The following CAPN6 variants were observed in gnomAD, a reference collection of about 807,000 sequenced individuals.
The protein encoded by CAPN6 is calpain-6.
A neutral mutation model predicts 46.0 loss-of-function variants in CAPN6; 16 were observed. The ratio of observed to expected loss-of-function variants is 0.35; its 90% confidence interval spans 0.24 to 0.53. The LOEUF is 0.53. Among genes scored for constraint, CAPN6 ranks in the 20% least tolerant of loss-of-function variants. The pLI is 0.94. For missense variants in CAPN6, 461 were observed against 498.0 expected, an observed-to-expected ratio of 0.93 and a Z score of 0.71; for synonymous variants, 206 against 172.8, an observed-to-expected ratio of 1.19 and a Z score of -1.51.
In CAPN6 at chrX:111,247,953, G is replaced by A. The variant is rs776023291; in HGVS notation, c.1524C>T (p.Asn508=). Reference sequence around the variant, plus strand: ...CTACTTTCGGGTAGCCACGAGCCAGGTTCCAGCAGGACATTTTGGGCATGT... The same window carrying A: ...CTACTTTCGGGTAGCCACGAGCCAGATTCCAGCAGGACATTTTGGGCATGT... ...TLDMPKMSCW[N]LARGYPKVVT... is the part of the protein sequence containing the mutation. Residue 508 remains asparagine, a synonymous_variant, in exon 11 of 13, where the codon AAC becomes AAT. Coordinates refer to ENST00000324068, the MANE Select transcript of CAPN6 (RefSeq NM_014289.4). The A allele has an allele frequency of 4.1e-6, 5 of 1,208,665 alleles. No homozygotes were observed. In the South Asian group the frequency reaches 7.0e-5, roughly 17 times the overall value.
rs759479751 is a variant in CAPN6 at position 111,248,954 on chromosome X, A to G, written c.1262T>C (p.Ile421Thr). The G allele has an allele frequency of 1.7e-6, 2 of 1,211,538 alleles. No individual in the cohort carries two copies. The highest frequency in any genetic ancestry group is 2.2e-6 in the Non-Finnish European group (2 of 895,442). ...TTTTACCTTGAAGAGCTCAAAGCCA[A>G]TGATGTAATTGTCAGGTCTTCCCAT... ...RRMGRPDNYI[I>T]GFELFKVEMN... The change falls in exon 9 of 13, where the codon ATT becomes ACT. Residue 421 changes from isoleucine (I) to threonine (T), a missense_variant. Physicochemically the swap from Ile to Thr is moderately conservative, Grantham distance 89 (BLOSUM62 -1). Coordinates refer to ENST00000324068, the MANE Select transcript of CAPN6 (RefSeq NM_014289.4).
At chrX:111,251,865 A>C in intron 5 of CAPN6, 123 bp from the exon 6 acceptor site, 1 of 541,955 alleles carries the variant, frequency 1.8e-6, no homozygotes, top group Non-Finnish European at 3.0e-6. Flanking sequence ...TGGAAATTTC[A>C]TCCTGACACC....
intron 2 of CAPN6, among the ~76,000 whole-genome samples, chrX:111,258,050 C>T (rs767628684): frequency 4.3e-4 from 48 of 111,890 alleles, no homozygotes; most frequent in African/African-American, 1.4e-3. Context: ...TCTTAAGGGA[C>T]TTCTCATTGT....
In CAPN6 at chrX:111,246,489, T is replaced by C. The variant is rs1024864899; in HGVS notation, c.*88A>G. Reference sequence around the variant, plus strand: ...TAATTATTGTGAATCTCATTCTTTCTAAAGATTGTGAATCTTAACTAAGAC... The same window carrying C: ...TAATTATTGTGAATCTCATTCTTTCCAAAGATTGTGAATCTTAACTAAGAC... On this transcript the variant is annotated 3_prime_UTR_variant, in exon 13 of 13. Coordinates refer to ENST00000324068, the MANE Select transcript of CAPN6 (RefSeq NM_014289.4). 1 of 775,597 alleles carries C rather than the reference T, an allele frequency of 1.3e-6. No individual in the cohort carries two copies. Among genetic ancestry groups the C allele is most frequent in the African/African-American group, 2.1e-5 (1 of 47,672 alleles). The allele number at this position is 775,597 out of a possible 1,213,427, so 63.9% of individuals were successfully genotyped here.
At chrX:111,269,856 C>T (rs774153875) in intron 1 of CAPN6, among the ~76,000 whole-genome samples, 42 of 112,226 alleles carry the variant, frequency 3.7e-4, no homozygotes, top group Admixed American at 1.8e-3. Context: ...TACAACACTG[C>T]ACAGCCTGCT....
chrX:111,259,508 T>C (rs2094986292), intron 2 of CAPN6, among the ~76,000 whole-genome samples: 1 of 112,275 alleles, frequency 8.9e-6, no homozygotes, highest in South Asian at 3.7e-4. Context: ...ATTCTGCTTC[T>C]AATGTCTTCC....
intron 1 of CAPN6, among the ~76,000 whole-genome samples, chrX:111,267,313 G>A (rs939129225): frequency 8.1e-5 from 9 of 111,145 alleles, no homozygotes; most frequent in African/African-American, 3.0e-4. Context: ...AGAGTGTGGT[G>A]GGGCTTAGCA....
At chrX:111,265,274 T>C (rs1311733643) in intron 1 of CAPN6, among the ~76,000 whole-genome samples, 1 of 112,513 alleles carries the variant, frequency 8.9e-6, no homozygotes, top group Non-Finnish European at 1.9e-5. Context: ...TTGAAAACCA[T>C]AACAATTTTT....
chrX:111,265,048 G>A (rs1322623982), intron 1 of CAPN6, among the ~76,000 whole-genome samples: 1 of 111,872 alleles, frequency 8.9e-6, no homozygotes, highest in Non-Finnish European at 1.9e-5. Flanking sequence ...TATAATCACA[G>A]GAGGGTTGAA....
chrX:111,256,083 T>C (rs775668815), intron 2 of CAPN6, among the ~76,000 whole-genome samples: 4 of 111,793 alleles, frequency 3.6e-5, no homozygotes, highest in African/African-American at 1.3e-4. Context: ...TTCATTTTAT[T>C]TTGAGCAAGA....
At chrX:111,251,786 C>T in intron 5 of CAPN6, 44 bp from the exon 6 acceptor site, 1 of 1,057,100 alleles carries the variant, frequency 9.5e-7, no homozygotes, top group East Asian at 3.0e-5. Context: ...AATTGGGAGA[C>T]CCAATCCTGA....
At chrX:111,248,121 A>G (rs1258711327) in intron 10 of CAPN6, 129 bp from the exon 11 acceptor site, 11 of 596,709 alleles carry the variant, frequency 1.8e-5, no homozygotes, top group Non-Finnish European at 3.0e-5. Context: ...CTCCTCAGAT[A>G]TGTCTTATAT....
intron 1 of CAPN6, 104 bp downstream of exon 1, chrX:111,270,267 A>C (rs746048576): frequency 8.8e-6 from 2 of 227,095 alleles, no homozygotes; most frequent in Non-Finnish European, 1.7e-5. Flanking sequence ...ATAGCTGTGG[A>C]GTTTGGTTAA....
intron 5 of CAPN6, 108 bp from the exon 6 acceptor site, chrX:111,251,850 A>T: frequency 1.6e-6 from 1 of 627,695 alleles, no homozygotes; most frequent in East Asian, 3.3e-5. Context: ...TAGTTCTCAC[A>T]CAGATGGAAA....
chrX:111,247,652 T>C, intron 11 of CAPN6, 148 bp from the exon 12 acceptor site: 2 of 667,989 alleles, frequency 3.0e-6, no homozygotes, highest in Non-Finnish European at 4.5e-6. Flanking sequence ...TTATTCCCAC[T>C]TCCCTTTCCT....
At chrX:111,263,363 A>G (rs1226962453) in intron 2 of CAPN6, among the ~76,000 whole-genome samples, 1 of 111,806 alleles carries the variant, frequency 8.9e-6, no homozygotes, top group African/African-American at 3.2e-5. Context: ...GCTTAAGGTT[A>G]AATAGCTAAT....
intron 1 of CAPN6, among the ~76,000 whole-genome samples, chrX:111,267,635 A>G (rs2147541278): frequency 8.9e-6 from 1 of 111,838 alleles, no homozygotes; most frequent in African/African-American, 3.3e-5. Context: ...CTCTAAAAAA[A>G]TCTGATAAAA....
chrX:111,254,473 A>G, intron 2 of CAPN6, 70 bp from the exon 3 acceptor site: 1 of 822,546 alleles, frequency 1.2e-6, no homozygotes, highest in Non-Finnish European at 1.8e-6. Flanking sequence ...GAGCTGAACT[A>G]GGCAGGACAG....
rs1184129161 is a variant in CAPN6 at position 111,264,019 on chromosome X, T to C, written c.-15-68A>G. On this transcript the variant is annotated intron_variant, in intron 1 of 12. Coordinates refer to ENST00000324068, the MANE Select transcript of CAPN6 (RefSeq NM_014289.4). ...AGGTCTTTTAAGGGTTACCTGAGAT[T>C]AGACAAACAGCCGTCATCCCAGTGA... The C allele has an allele frequency of 9.9e-6, 7 of 705,736 alleles. No individual in the cohort carries two copies. The Admixed American group carries it at 1.1e-4, about 11-fold the overall frequency. 58.2% of individuals were successfully genotyped at this position (705,736 alleles called of 1,213,427 possible). A position where few individuals can be genotyped will look rare whatever the true frequency, so the allele number is the denominator to read the frequency against.
Sources: gnomAD v4.1 joint callset for allele counts (sites outside exome capture counted in the v4.1 genomes callset) on GRCh38, gnomAD v4.1.1 for gene constraint, MANE v1.5 for transcripts, NCBI Gene and HGNC (gene_info 2026-07-23, HGNC 2026-07-21) for gene names.